Variants in BEST3 observed in about 807,000 individuals in gnomAD.
BEST3 encodes the protein bestrophin-3.
A neutral mutation model predicts 47.1 loss-of-function variants in BEST3; 50 were observed. The observed-to-expected ratio is 1.06, with a 90% CI of 0.85 to 1.34. The LOEUF is 1.34. Ranked by LOEUF, BEST3 falls within the 40% of genes most tolerant of loss-of-function variation. BEST3 has a pLI of 0.00. For missense variants in BEST3, 765 were observed against 817.0 expected (o/e 0.94, Z 0.78); for synonymous variants, 282 against 298.8 (o/e 0.94, Z 0.58).
chr12:69,667,839 G>A (rs1008670572), intron 9 of BEST3, among the ~76,000 whole-genome samples: 1 of 151,978 alleles, frequency 6.6e-6, no homozygotes, highest in Non-Finnish European at 1.5e-5. Context: ...CTACCTCATA[G>A]TAGGCCCTGA....
intron 5 of BEST3, 142 bp from the exon 6 acceptor site, chr12:69,677,399 G>A: frequency 1.4e-6 from 1 of 735,932 alleles, no homozygotes; most frequent in South Asian, 1.7e-5. Context: ...ACTCCAAAAG[G>A]AAAGTTCTAA....
At chr12:69,671,320 G>A (rs760599943) in intron 9 of BEST3, 108 bp downstream of exon 9, 92 of 1,168,142 alleles carry the variant, frequency 7.9e-5, no homozygotes, top group Middle Eastern at 3.0e-4. Flanking sequence ...TGACATCACA[G>A]TTGGCTACTT....
intron 9 of BEST3, among the ~76,000 whole-genome samples, chr12:69,659,743 T>C (rs1167336666): frequency 2.0e-5 from 3 of 152,058 alleles, no homozygotes; most frequent in Non-Finnish European, 4.4e-5. Context: ...CCTTATTTGA[T>C]ATTTAAAGTG....
chr12:69,686,181 T>G (rs1380401084), intron 4 of BEST3, among the ~76,000 whole-genome samples: 1 of 109,462 alleles, frequency 9.1e-6, no homozygotes, highest in Non-Finnish European at 1.9e-5. Context: ...GTGTAATGGA[T>G]CAGGAAAAAA....
At chr12:69,670,293 G>A (rs1884479618) in intron 9 of BEST3, 1 of 605,434 alleles carries the variant, frequency 1.7e-6, no homozygotes, top group Non-Finnish European at 3.0e-6. Flanking sequence ...GCCCTGGGTG[G>A]GTGGGTCTGG....
At chr12:69,695,882 G>C (rs1427886505) in intron 2 of BEST3, among the ~76,000 whole-genome samples, 1 of 152,046 alleles carries the variant, frequency 6.6e-6, no homozygotes, top group Non-Finnish European at 1.5e-5. Context: ...CATATTAATA[G>C]TTGGCCAAAG....
At chr12:69,685,431 C>T (rs1490871267) in intron 4 of BEST3, among the ~76,000 whole-genome samples, 1 of 152,194 alleles carries the variant, frequency 6.6e-6, no homozygotes, top group Non-Finnish European at 1.5e-5. Flanking sequence ...TTGATGTGTT[C>T]TAGTGCAGCT....
At chr12:69,647,188 T>C (rs1393193136) in intron 9 of BEST3, among the ~76,000 whole-genome samples, 1 of 152,222 alleles carries the variant, frequency 6.6e-6, no homozygotes, top group Non-Finnish European at 1.5e-5. Context: ...AGAATTTGAT[T>C]GTGGACTCCA....
At chr12:69,658,465 C>G (rs1883651292) in intron 9 of BEST3, among the ~76,000 whole-genome samples, 1 of 152,170 alleles carries the variant, frequency 6.6e-6, no homozygotes, top group South Asian at 2.1e-4. Flanking sequence ...TTGGGTAGGT[C>G]TGCCAAGAAG....
intron 9 of BEST3, among the ~76,000 whole-genome samples, chr12:69,665,663 G>C (rs7302375): frequency 0.49 from 74,851 of 151,410 alleles, 18,644 homozygotes; most frequent in Admixed American, 0.63. Context: ...TAGCCTTACT[G>C]AAGACAAAAC....
At chr12:69,697,960 C>T in intron 1 of BEST3, 147 bp from the exon 2 acceptor site, 1 of 617,250 alleles carries the variant, frequency 1.6e-6, no homozygotes, top group East Asian at 3.1e-5. Context: ...TAATTCGGAA[C>T]TTTCAGATAA....
Position 69,655,141 on chromosome 12 carries a change from A to G in BEST3, c.1773T>C (p.Ser591=), listed in dbSNP as rs1009501580. 2 of 1,613,892 alleles carry G rather than the reference A, an allele frequency of 1.2e-6. No homozygotes were observed. Among genetic ancestry groups the G allele is most frequent in the African/African-American group, 1.3e-5 (1 of 74,926 alleles). ...DPGDTFLKRW[S]LPGFLGSSHT... ...GGCTGGACCCCAGGAATCCCGGAAGACTCCACCTTTTTAGAAAGGTATCAC... is the reference window on the plus strand; with the variant it reads ...GGCTGGACCCCAGGAATCCCGGAAGGCTCCACCTTTTTAGAAAGGTATCAC... The change falls in exon 10 of 10, where the codon AGT becomes AGC. Residue 591 remains serine (S), a synonymous_variant. Coordinates refer to ENST00000330891, the MANE Select transcript of BEST3 (RefSeq NM_032735.3).
At chr12:69,664,804 C>T (rs1011732126) in intron 9 of BEST3, among the ~76,000 whole-genome samples, 1 of 151,580 alleles carries the variant, frequency 6.6e-6, no homozygotes, top group Non-Finnish European at 1.5e-5. Flanking sequence ...AAAAAAATCC[C>T]ATTCCACAGA....
At chr12:69,686,266 G>A (rs904802256) in intron 4 of BEST3, among the ~76,000 whole-genome samples, 4 of 151,832 alleles carry the variant, frequency 2.6e-5, no homozygotes, top group Non-Finnish European at 4.4e-5. Context: ...TACATAATAT[G>A]TTATATAAAA....
intron 9 of BEST3, among the ~76,000 whole-genome samples, chr12:69,664,347 T>C (rs1182783773): frequency 1.3e-5 from 2 of 152,216 alleles, no homozygotes; most frequent in Admixed American, 1.3e-4. Context: ...CCTGCTTTCC[T>C]GGCTGCACAG....
At chr12:69,686,779 C>CGAAAAAAAAAAAAAAAAAAA (rs1555208517) in intron 4 of BEST3, among the ~76,000 whole-genome samples, 1 of 99,382 alleles carries the variant, frequency 1.0e-5, no homozygotes, top group Non-Finnish European at 2.0e-5. Flanking sequence ...CTCAAAAAAA[C>CGAAAAAAAAAAAAAAAAAAA]AAAAAAAAAA....
Position 69,655,408 on chromosome 12 carries a change from C to T in BEST3, c.1506G>A (p.Glu502=), listed in dbSNP as rs1883408944. The change falls in exon 10 of 10, where the codon GAG becomes GAA. Residue 502 remains glutamate (E), a synonymous_variant. Transcript: ENST00000330891. ...GTGCTTCGGCTGCTGTGATCAATACCTCAGGTACCAGTGGCATTTTGATGG... is the reference window on the plus strand; with the variant it reads ...GTGCTTCGGCTGCTGTGATCAATACTTCAGGTACCAGTGGCATTTTGATGG... ...TSPIKMPLVP[E]VLITAAEAPV... The T allele has an allele frequency of 6.2e-7, 1 of 1,614,150 alleles. No homozygotes were observed. The highest frequency in any genetic ancestry group is 8.5e-7 in the Non-Finnish European group (1 of 1,180,022).
chr12:69,662,366 T>C (rs1472161858), intron 9 of BEST3, among the ~76,000 whole-genome samples: 1 of 152,192 alleles, frequency 6.6e-6, no homozygotes, highest in African/African-American at 2.4e-5. Flanking sequence ...TGAATATAGT[T>C]GACTAAAAAG....
chr12:69,693,951 C>T, intron 3 of BEST3, 44 bp from the exon 4 acceptor site: 2 of 1,435,970 alleles, frequency 1.4e-6, no homozygotes, highest in African/African-American at 2.8e-5. Flanking sequence ...TTACAGCAGA[C>T]ACGTTGGTGA....
Sources: allele counts gnomAD v4.1 joint callset (sites outside exome capture counted in the v4.1 genomes callset), GRCh38; gene constraint gnomAD v4.1.1; transcripts MANE v1.5; gene names NCBI Gene and HGNC (gene_info 2026-07-23, HGNC 2026-07-21).